Variants in ERC2 observed in about 807,000 individuals in gnomAD.
ERC2 encodes ELKS/RAB6-interacting/CAST family member 2.
Under a neutral mutation model 114.8 loss-of-function variants are expected in ERC2, and 42 were observed. The observed-to-expected ratio is 0.37, with a 90% confidence interval of 0.29 to 0.47. ERC2 has a LOEUF of 0.47. Ranked by LOEUF, ERC2 falls within the 20% of genes least tolerant of loss-of-function variation. The pLI is 0.99. For synonymous variants in ERC2, 454 were observed against 425.5 expected, an observed-to-expected ratio of 1.07 and a Z score of -0.82; for missense variants, 939 against 1,150.7, an observed-to-expected ratio of 0.82 and a Z score of 2.66.
intron 6 of ERC2, among the ~76,000 whole-genome samples, chr3:56,125,137 G>A (rs530787822): frequency 6.6e-6 from 1 of 152,108 alleles, no homozygotes; most frequent in South Asian, 2.1e-4. Flanking sequence ...GCTTCAGCCT[G>A]GAGAAAGAAT....
At chr3:56,105,799 G>A (rs1229200357) in intron 6 of ERC2, among the ~76,000 whole-genome samples, 1 of 152,216 alleles carries the variant, frequency 6.6e-6, no homozygotes, top group Non-Finnish European at 1.5e-5. Flanking sequence ...TCCAGGAAGA[G>A]CCAAGGAGAT....
chr3:55,751,387 T>C (rs1006644584), intron 14 of ERC2, among the ~76,000 whole-genome samples: 10 of 152,188 alleles, frequency 6.6e-5, no homozygotes, highest in African/African-American at 2.4e-4. Context: ...AAAGAAAAGC[T>C]GAGTTGGTCA....
At chr3:56,159,046 G>C (rs1050765301) in intron 4 of ERC2, among the ~76,000 whole-genome samples, 9 of 152,102 alleles carry the variant, frequency 5.9e-5, no homozygotes, top group African/African-American at 2.2e-4. Context: ...ACAATAGTGA[G>C]TGAATTCTCA....
At chr3:56,090,885 G>A (rs1014695607) in intron 6 of ERC2, among the ~76,000 whole-genome samples, 2 of 151,880 alleles carry the variant, frequency 1.3e-5, no homozygotes, top group Non-Finnish European at 2.9e-5. Context: ...CACCCCAGGT[G>A]CCCAAATTGT....
intron 14 of ERC2, among the ~76,000 whole-genome samples, chr3:55,782,043 C>A (rs1266849058): frequency 6.6e-6 from 1 of 152,164 alleles, no homozygotes; most frequent in East Asian, 1.9e-4. Flanking sequence ...TACCACTCCT[C>A]TCCCACCAGG....
intron 14 of ERC2, among the ~76,000 whole-genome samples, chr3:55,770,571 G>C (rs1399944855): frequency 6.6e-6 from 1 of 152,034 alleles, no homozygotes; most frequent in Non-Finnish European, 1.5e-5. Flanking sequence ...CTGAATCTAA[G>C]AGTTGGTTGC....
intron 3 of ERC2, among the ~76,000 whole-genome samples, chr3:56,284,530 A>C (rs2054552400): frequency 6.6e-6 from 1 of 152,162 alleles, no homozygotes; most frequent in African/African-American, 2.4e-5. Flanking sequence ...AATTATTCCG[A>C]AGTTTGGTGG....
intron 3 of ERC2, among the ~76,000 whole-genome samples, chr3:56,236,423 C>T (rs1392229242): frequency 6.6e-6 from 1 of 152,264 alleles, no homozygotes; most frequent in East Asian, 1.9e-4. Context: ...AGGCCATTTC[C>T]CTGGGACAGC....
intron 17 of ERC2, among the ~76,000 whole-genome samples, chr3:55,680,684 C>A (rs1319121251): frequency 1.3e-5 from 2 of 152,058 alleles, no homozygotes; most frequent in African/African-American, 4.8e-5. Flanking sequence ...ATATGCTTTG[C>A]CAGGGATGCC....
At chr3:55,697,929 T>G (rs2063019813) in intron 16 of ERC2, among the ~76,000 whole-genome samples, 1 of 151,548 alleles carries the variant, frequency 6.6e-6, no homozygotes, top group Non-Finnish European at 1.5e-5. Flanking sequence ...AACGAGTTGG[T>G]TTAGTTAGCA....
chr3:56,161,544 C>T (rs2082047610), intron 4 of ERC2, among the ~76,000 whole-genome samples: 1 of 151,980 alleles, frequency 6.6e-6, no homozygotes, highest in African/African-American at 2.4e-5. Context: ...AATGTTTTTT[C>T]CATTTGTTTA....
intron 13 of ERC2, among the ~76,000 whole-genome samples, chr3:55,910,634 C>T (rs2064746494): frequency 6.6e-6 from 1 of 152,080 alleles, no homozygotes; most frequent in Non-Finnish European, 1.5e-5. Context: ...AATTTTGTGC[C>T]AGGCATGGAT....
At chr3:56,183,826 G>C (rs2083431221) in intron 3 of ERC2, among the ~76,000 whole-genome samples, 1 of 152,066 alleles carries the variant, frequency 6.6e-6, no homozygotes, top group Non-Finnish European at 1.5e-5. Context: ...TGAGAGATGA[G>C]ATCCAAGAGG....
intron 17 of ERC2, among the ~76,000 whole-genome samples, chr3:55,615,914 T>G (rs2059106706): frequency 6.6e-6 from 1 of 152,212 alleles, no homozygotes; most frequent in Admixed American, 6.5e-5. Flanking sequence ...ACTTGTCAAC[T>G]TTGCATAAAA....
intron 15 of ERC2, among the ~76,000 whole-genome samples, chr3:55,700,361 A>C (rs1280314231): frequency 6.6e-6 from 1 of 152,260 alleles, no homozygotes; most frequent in African/African-American, 2.4e-5. Flanking sequence ...GTTTGAGGAC[A>C]GACCTGCCTG....
intron 2 of ERC2, among the ~76,000 whole-genome samples, chr3:56,403,625 G>A (rs116243606): frequency 2.0e-5 from 3 of 152,244 alleles, no homozygotes; most frequent in East Asian, 1.9e-4. Flanking sequence ...TATTAAATCC[G>A]AATCTTTATT....
At chr3:55,746,490 G>T (rs191012108) in intron 14 of ERC2, among the ~76,000 whole-genome samples, 2 of 152,162 alleles carry the variant, frequency 1.3e-5, no homozygotes, top group Non-Finnish European at 2.9e-5. Context: ...CACCTCAGGT[G>T]ATCGGCCTCC....
chr3:56,340,986 A>T (rs1385310688), intron 2 of ERC2, among the ~76,000 whole-genome samples: 1 of 151,416 alleles, frequency 6.6e-6, no homozygotes, highest in Non-Finnish European at 1.5e-5. Flanking sequence ...TTTGGGGGGG[A>T]AAAAATCCTG....
At chr3:55,517,094 T>G (rs1051699193) in intron 17 of ERC2, among the ~76,000 whole-genome samples, 1 of 152,218 alleles carries the variant, frequency 6.6e-6, no homozygotes, top group Non-Finnish European at 1.5e-5. Context: ...TTTTCCCATT[T>G]TTGTAACCTC....
Sources: gnomAD v4.1 joint callset for allele counts (sites outside exome capture counted in the v4.1 genomes callset) on GRCh38, gnomAD v4.1.1 for gene constraint, MANE v1.5 for transcripts, NCBI Gene and HGNC (gene_info 2026-07-23, HGNC 2026-07-21) for gene names.